The following MTCL3 variants were observed in gnomAD, a reference collection of about 807,000 sequenced individuals.
The protein encoded by MTCL3 is microtubule cross-linking factor 3.
chr6:127,493,077 A>G, the MTCL3 span, among the ~76,000 whole-genome samples: 1 of 152,188 alleles, frequency 6.6e-6, no homozygotes, highest in Non-Finnish European at 1.5e-5. Context: ...CAATGCCTTT[A>G]TCTATGCCTC....
At chr6:127,488,741 C>G in the MTCL3 span, among the ~76,000 whole-genome samples, 1 of 152,264 alleles carries the variant, frequency 6.6e-6, no homozygotes, top group Admixed American at 6.5e-5. Context: ...ATTGTATGAG[C>G]TGAAAAGTAT....
the MTCL3 span, among the ~76,000 whole-genome samples, chr6:127,511,512 C>G: frequency 2.0e-5 from 3 of 151,930 alleles, no homozygotes; most frequent in East Asian, 5.8e-4. Context: ...TCTTACATAC[C>G]AGAAAAAGAT....
chr6:127,516,288 C>CGCCA, the MTCL3 span: 1 of 1,537,604 alleles, frequency 6.5e-7, no homozygotes, highest in Non-Finnish European at 8.7e-7. Context: ...CCCCTTTGGG[C>CGCCA]GCCAGGGGCG....
At chr6:127,488,273 A>G in the MTCL3 span, among the ~76,000 whole-genome samples, 1,425 of 152,306 alleles carry the variant, frequency 9.4e-3, 18 homozygotes, top group African/African-American at 0.033. Flanking sequence ...TTTCATATCA[A>G]AAAGCAAATC....
the MTCL3 span, among the ~76,000 whole-genome samples, chr6:127,495,806 CA>C: frequency 6.6e-6 from 1 of 152,070 alleles, no homozygotes; most frequent in Non-Finnish European, 1.5e-5. Context: ...AATTAGTTAC[CA>C]AATTTAAAAA....
the MTCL3 span, chr6:127,515,593 G>A: frequency 7.8e-5 from 111 of 1,431,866 alleles, 2 homozygotes; most frequent in East Asian, 1.5e-3. The surrounding 1 kb of genome is among the most constrained non-coding windows in gnomAD (Gnocchi z 4.3). Flanking sequence ...CTGCGGGTGC[G>A]GCTGCGACGA....
the MTCL3 span, chr6:127,475,973 C>G: frequency 6.2e-7 from 1 of 1,611,194 alleles, no homozygotes; most frequent in Admixed American, 1.7e-5. The surrounding 1 kb of genome is among the most constrained non-coding windows in gnomAD (Gnocchi z 7.3). Flanking sequence ...TCGTGGCCGC[C>G]GGACTTGTAC....
At chr6:127,515,946 C>A in the MTCL3 span, 1 of 1,608,570 alleles carries the variant, frequency 6.2e-7, no homozygotes, top group Non-Finnish European at 8.5e-7. This position sits in a 1 kb window ranked among gnomAD's most constrained non-coding sequence, Gnocchi z 4.3. Flanking sequence ...GGGTTTTGCC[C>A]GCAGAAGAGG....
the MTCL3 span, chr6:127,481,281 G>A: frequency 1.0e-6 from 1 of 983,972 alleles, no homozygotes; most frequent in South Asian, 4.7e-5. Flanking sequence ...CACGTGAAAT[G>A]ATTCACAACA....
At chr6:127,496,099 T>C in the MTCL3 span, among the ~76,000 whole-genome samples, 1 of 152,022 alleles carries the variant, frequency 6.6e-6, no homozygotes, top group East Asian at 1.9e-4. Flanking sequence ...GGGAAATAAA[T>C]GCATGTACAC....
At chr6:127,504,468 G>A in the MTCL3 span, among the ~76,000 whole-genome samples, 2 of 152,136 alleles carry the variant, frequency 1.3e-5, no homozygotes, top group Admixed American at 6.5e-5. Flanking sequence ...TTATTTTTAT[G>A]TAAAAGGCTG....
chr6:127,484,990 A>T, the MTCL3 span, among the ~76,000 whole-genome samples: 1 of 152,208 alleles, frequency 6.6e-6, no homozygotes, highest in Non-Finnish European at 1.5e-5. Context: ...AATTCTTGAG[A>T]TTCATCCCAG....
the MTCL3 span, chr6:127,475,200 G>A: frequency 7.3e-7 from 1 of 1,372,268 alleles, no homozygotes; most frequent in South Asian, 1.4e-5. This position sits in a 1 kb window ranked among gnomAD's most constrained non-coding sequence, Gnocchi z 7.3. Flanking sequence ...CTCAAGCGGG[G>A]CGCGGCAGTC....
the MTCL3 span, among the ~76,000 whole-genome samples, chr6:127,488,205 C>T: frequency 6.6e-6 from 1 of 152,182 alleles, no homozygotes; most frequent in Admixed American, 6.5e-5. Context: ...CATATACTCT[C>T]ATGACCCACT....
At chr6:127,474,396 A>T in the MTCL3 span, among the ~76,000 whole-genome samples, 928 of 152,126 alleles carry the variant, frequency 6.1e-3, 10 homozygotes, top group African/African-American at 0.02. Flanking sequence ...CTCCTGCTTC[A>T]GCCTCCGGAG....
the MTCL3 span, among the ~76,000 whole-genome samples, chr6:127,486,468 G>C: frequency 6.6e-6 from 1 of 152,114 alleles, no homozygotes; most frequent in African/African-American, 2.4e-5. Flanking sequence ...TTTCCTGTGA[G>C]GATGAAACTG....
At chr6:127,494,568 G>A in the MTCL3 span, among the ~76,000 whole-genome samples, 19 of 152,236 alleles carry the variant, frequency 1.2e-4, no homozygotes, top group Admixed American at 1.2e-3. Context: ...AATATTTCCT[G>A]GATCCTTAGG....
At chr6:127,478,981 C>T in the MTCL3 span, among the ~76,000 whole-genome samples, 13 of 142,574 alleles carry the variant, frequency 9.1e-5, no homozygotes, top group Non-Finnish European at 1.8e-4. Context: ...TGCGCCACTG[C>T]ACTCCAGCCT....
chr6:127,473,803 C>T, the MTCL3 span, among the ~76,000 whole-genome samples: 2 of 152,114 alleles, frequency 1.3e-5, no homozygotes, highest in African/African-American at 4.8e-5. Flanking sequence ...GTTGTACTTC[C>T]GTGGGTTCTC....
Sources: allele counts gnomAD v4.1 joint callset (sites outside exome capture counted in the v4.1 genomes callset), GRCh38; gene constraint gnomAD v4.1.1; non-coding constraint Gnocchi (gnomAD v3.1); transcripts MANE v1.5; gene names NCBI Gene and HGNC (gene_info 2026-07-23, HGNC 2026-07-21).